EIF2AK4: variants seen among roughly 807,000 people sequenced by gnomAD.
The protein encoded by EIF2AK4 is eIF-2-alpha kinase GCN2.
Under a neutral mutation model 211.1 loss-of-function variants are expected in EIF2AK4, and 139 were observed. That is an observed-to-expected ratio of 0.66 (90% CI 0.57 to 0.76). The LOEUF is 0.76. Among genes scored for constraint, EIF2AK4 ranks in the 30% least tolerant of loss-of-function variants. The pLI is 0.00. For missense variants in EIF2AK4, 1,664 were observed against 2,043.8 expected (o/e 0.81, Z 3.58); for synonymous variants, 710 against 751.3 (o/e 0.94, Z 0.90).
intron 33 of EIF2AK4, among the ~76,000 whole-genome samples, chr15:40,028,758 G>T (rs868616934): frequency 6.6e-6 from 1 of 152,206 alleles, no homozygotes; most frequent in African/African-American, 2.4e-5. Context: ...AAAGACAGAG[G>T]TTTAGAAGAG....
Position 39,934,237 on chromosome 15 carries a change from G to T in EIF2AK4, c.42G>T (p.Glu14Asp). 1 of 1,605,098 alleles carries T rather than the reference G, an allele frequency of 6.2e-7. No homozygotes were observed. The stretch of plus-strand genomic sequence containing the variant: ...GGGCCCCCGGGCGCGGCCGGGACGA[G>T]CCTCCGGAGAGCTACCCGCAACGAC... ...GRGAPGRGRD[E>D]PPESYPQRQD... Residue 14 changes from glutamate (E) to aspartate (D), a missense_variant, in exon 1 of 39, where the codon GAG becomes GAT. Glu to Asp is a conservative substitution (Grantham distance 45). Around this residue, in one of 7 missense-constraint regions of EIF2AK4, gnomAD observed 641 missense variants for 729.6 expected, o/e 0.88. Coordinates refer to ENST00000263791, the MANE Select transcript of EIF2AK4 (RefSeq NM_001013703.4).
intron 1 of EIF2AK4, among the ~76,000 whole-genome samples, chr15:39,936,010 T>G (rs1222668184): frequency 6.6e-6 from 1 of 152,136 alleles, no homozygotes; most frequent in Non-Finnish European, 1.5e-5. Flanking sequence ...TGTCTCAAAG[T>G]GTACATGGGA....
chr15:39,987,461 C>T (rs577813266), intron 14 of EIF2AK4, among the ~76,000 whole-genome samples: 19 of 152,308 alleles, frequency 1.2e-4, no homozygotes, highest in African/African-American at 4.6e-4. Context: ...TCATGTTGCA[C>T]TGTTTTCTGA....
chr15:39,982,947 G>T (rs1345233994), intron 13 of EIF2AK4, among the ~76,000 whole-genome samples: 3 of 152,156 alleles, frequency 2.0e-5, no homozygotes, highest in African/African-American at 7.2e-5. Context: ...GTCTATCATT[G>T]ATGGACATTT....
At chr15:40,021,234 G>A (rs1004743076) in intron 31 of EIF2AK4, among the ~76,000 whole-genome samples, 1 of 152,178 alleles carries the variant, frequency 6.6e-6, no homozygotes, top group African/African-American at 2.4e-5. Flanking sequence ...CTGGAAGTCA[G>A]AAATCCAAAA....
At chr15:40,000,918 G>T in intron 20 of EIF2AK4, 70 bp from the exon 21 acceptor site, 1 of 1,500,394 alleles carries the variant, frequency 6.7e-7, no homozygotes. Context: ...ACTGACTACT[G>T]ACTTGTCCGG....
chr15:39,948,388 A>G (rs1051148265), intron 3 of EIF2AK4, among the ~76,000 whole-genome samples: 6 of 152,318 alleles, frequency 3.9e-5, no homozygotes, highest in Non-Finnish European at 7.4e-5. Flanking sequence ...TTGGGTAACC[A>G]GTCAGGGAGG....
Position 40,007,332 on chromosome 15 carries a change from T to A in EIF2AK4, c.3407+267T>A, listed in dbSNP as rs887277423. On this transcript the variant is annotated intron_variant, in intron 24 of 38. Coordinates refer to ENST00000263791, the MANE Select transcript of EIF2AK4 (RefSeq NM_001013703.4). ...CCTTCTAAATGTCCCCAAGCAACAT[T>A]ACTAATTATTTTCACAAACGGTTGC... Among the ~76,000 whole-genome samples, 5 of 152,166 alleles carry A rather than the reference T, an allele frequency of 3.3e-5. No individual in the cohort carries two copies. In the South Asian group the frequency reaches 1.0e-3, roughly 32 times the overall value.
At chr15:39,945,121 G>A (rs2196470) in intron 3 of EIF2AK4, among the ~76,000 whole-genome samples, 10,796 of 151,950 alleles carry the variant, frequency 0.071, 741 homozygotes, top group Admixed American at 0.2. Flanking sequence ...TGGTTTCTTG[G>A]ATTTTTGATT....
At chr15:40,028,645 C>T (rs1461124502) in intron 33 of EIF2AK4, among the ~76,000 whole-genome samples, 2 of 152,180 alleles carry the variant, frequency 1.3e-5, no homozygotes, top group Non-Finnish European at 2.9e-5. Context: ...CATGCCCCCA[C>T]CCCTTCTTAT....
chr15:39,998,856 T>G, intron 20 of EIF2AK4, 72 bp downstream of exon 20: 1 of 1,279,590 alleles, frequency 7.8e-7, no homozygotes, highest in Non-Finnish European at 1.1e-6. Context: ...TCTTTTTCAA[T>G]TAGTAATCTT....
chr15:39,970,863 T>C (rs1163663979), intron 9 of EIF2AK4, among the ~76,000 whole-genome samples: 1 of 152,316 alleles, frequency 6.6e-6, no homozygotes, highest in Non-Finnish European at 1.5e-5. Context: ...TACGGTATCT[T>C]ATACAAATGG....
rs533597179 is a variant in EIF2AK4 at position 40,023,334 on chromosome 15, A to G, written c.4389+729A>G. Among the ~76,000 whole-genome samples the G allele has an allele frequency of 6.1e-4, 93 of 152,232 alleles. No homozygotes were observed. In the South Asian group the frequency reaches 0.016, roughly 27 times the overall value. ...AAGGGAAAAAAACTTTCTTAAAAAT[A>G]TTTTTCTCTTCTAATTTTTTTTTGG... On this transcript the variant is annotated intron_variant, in intron 32 of 38. Transcript: ENST00000263791.
Position 40,034,406 on chromosome 15 carries a change from A to T in EIF2AK4, c.4854A>T (p.Leu1618Phe). ...TGCCAAAGCAAAGATACCTCAAATT[A>T]GTCTGTGATGAAATTTATAACATCA... is the stretch of plus-strand genomic sequence containing the variant. The part of the protein sequence containing the change: ...SRLPKQRYLK[L>F]VCDEIYNIKV... Residue 1618 changes from leucine to phenylalanine, a missense_variant, in exon 38 of 39, where the codon TTA becomes TTT. Leu to Phe is a conservative substitution (Grantham distance 22, BLOSUM62 0). Transcript: ENST00000263791. 6.2e-7 allele frequency: 1 copy of T among 1,614,122 alleles called. No homozygotes were observed. Among genetic ancestry groups the T allele is most frequent in the East Asian group, 2.2e-5 (1 of 44,882 alleles).
intron 29 of EIF2AK4, among the ~76,000 whole-genome samples, chr15:40,017,501 C>CTTTATATATATATATATATATATATATA (rs1363648720): frequency 3.8e-5 from 1 of 26,130 alleles, no homozygotes; most frequent in Non-Finnish European, 7.3e-5. Flanking sequence ...TACTCTGTTT[C>CTTTATATATATATATATATATATATATA]TATATATATA....
chr15:39,998,780 A>G lies in EIF2AK4; in HGVS notation c.2918A>G (p.Lys973Arg). Residue 973 changes from lysine to arginine, a missense_variant, in exon 20 of 39, where the codon AAG becomes AGG. This residue lies in a region of EIF2AK4 where 622 missense variants were observed against 796.8 expected (regional missense o/e 0.78). Coordinates refer to ENST00000263791, the MANE Select transcript of EIF2AK4 (RefSeq NM_001013703.4). ...PEDFDDGEHA[K>R]QKSVISWLLN... ...GACTTTGACGATGGAGAGCATGCAA[A>G]GCAGGTAATTTTCTGATGCGTCAAT... The G allele has an allele frequency of 6.2e-7, 1 of 1,612,016 alleles. No individual in the cohort carries two copies. Among genetic ancestry groups the G allele is most frequent in the East Asian group, 2.2e-5 (1 of 44,818 alleles).
chr15:40,032,679 C>A, intron 36 of EIF2AK4, 78 bp from the exon 37 acceptor site: 2 of 1,352,718 alleles, frequency 1.5e-6, no homozygotes, highest in South Asian at 1.2e-5. Context: ...ATTCATACTG[C>A]TGCATTTCAC....
chr15:39,954,464 G>A (rs1188795014), intron 5 of EIF2AK4, among the ~76,000 whole-genome samples: 3 of 152,214 alleles, frequency 2.0e-5, no homozygotes, highest in African/African-American at 7.2e-5. Flanking sequence ...ATGTTGGCCA[G>A]GCTGGTCCTC....
At chr15:40,004,650 A>G (rs865831545) in intron 23 of EIF2AK4, among the ~76,000 whole-genome samples, 64 of 152,204 alleles carry the variant, frequency 4.2e-4, no homozygotes, top group African/African-American at 1.5e-3. Flanking sequence ...TCAAGGCTTC[A>G]GTGAGCCATG....
Sources: allele counts gnomAD v4.1 joint callset (sites outside exome capture counted in the v4.1 genomes callset), GRCh38; gene constraint gnomAD v4.1.1; regional missense constraint gnomAD v4.1.1; transcripts MANE v1.5; gene names NCBI Gene and HGNC (gene_info 2026-07-23, HGNC 2026-07-21).